The following DHX57 variants were observed in gnomAD, a reference collection of about 807,000 sequenced individuals.
The protein encoded by DHX57 is putative ATP-dependent RNA helicase DHX57.
Under a neutral mutation model 156.2 loss-of-function variants are expected in DHX57, and 105 were observed. That is an observed-to-expected ratio of 0.67 (90% confidence interval 0.57 to 0.79). The LOEUF (loss-of-function observed/expected upper bound fraction) is 0.79. Ranked by LOEUF, DHX57 falls within the 30% of genes least tolerant of loss-of-function variation. The pLI, the probability that DHX57 is intolerant of heterozygous loss-of-function variation, is 0.00. For missense variants in DHX57, 1,847 were observed against 1,661.9 expected (o/e 1.11, Z -1.94); for synonymous variants, 704 against 595.6 (o/e 1.18, Z -2.65).
rs753339384 is a variant in DHX57 at position 38,806,543 on chromosome 2, A to G, written c.3816+16T>C. The G allele has an allele frequency of 1.9e-6, 3 of 1,612,090 alleles. No individual in the cohort carries two copies. Among genetic ancestry groups the G allele is most frequent in the Non-Finnish European group, 2.5e-6 (3 of 1,179,284 alleles). On this transcript the variant is annotated intron_variant, in intron 22 of 23. Coordinates refer to ENST00000457308, the MANE Select transcript of DHX57 (RefSeq NM_198963.3). ...AGGACGACCTGTAAACATTAAGTAT[A>G]CTCCACCATTCTGACCTGATAGTTC...
At chr2:38,813,924 A>G in intron 20 of DHX57, 29 bp from the exon 21 acceptor site, 4 of 1,608,028 alleles carry the variant, frequency 2.5e-6, no homozygotes, top group Non-Finnish European at 3.4e-6. Flanking sequence ...ATTAATTAAC[A>G]AGTGATATGG....
intron 7 of DHX57, among the ~76,000 whole-genome samples, chr2:38,855,674 A>C (rs1285870755): frequency 6.6e-6 from 1 of 152,222 alleles, no homozygotes; most frequent in Non-Finnish European, 1.5e-5. Context: ...CATATCACTG[A>C]GTCTGGACAC....
At chr2:38,844,287 G>T (rs1005533402) in intron 11 of DHX57, among the ~76,000 whole-genome samples, 1 of 152,128 alleles carries the variant, frequency 6.6e-6, no homozygotes, top group Non-Finnish European at 1.5e-5. Flanking sequence ...CTGTAAGACA[G>T]AAATAAATGT....
chr2:38,799,040 C>T (rs907205366), intron 23 of DHX57, among the ~76,000 whole-genome samples: 1 of 151,698 alleles, frequency 6.6e-6, no homozygotes, highest in African/African-American at 2.4e-5. Context: ...ATTTATTCCA[C>T]GAGGAGAAGC....
chr2:38,849,089 G>A (rs1306682036), intron 9 of DHX57, among the ~76,000 whole-genome samples: 2 of 152,132 alleles, frequency 1.3e-5, no homozygotes, highest in African/African-American at 4.8e-5. Context: ...GTACCACAAA[G>A]AGGCACATAC....
chr2:38,813,680 A>T lies in DHX57; in HGVS notation c.3681+141T>A, dbSNP rs1004830798. 5.0e-5 allele frequency: 49 copies of T among 987,248 alleles called. No individual in the cohort carries two copies. The Middle Eastern group carries it at 1.1e-3, about 23-fold the overall frequency. The allele number at this position is 987,248 out of a possible 1,614,324, so 61.2% of individuals were successfully genotyped here. ...AGCCACCGCACCCGGCCGAAAATGT[A>T]TACTAAGTTTAAAAGGGTGTGCGTG... On this transcript the variant is annotated intron_variant, in intron 21 of 23. Transcript: ENST00000457308.
chr2:38,798,687 T>C (rs1669512076), intron 23 of DHX57, among the ~76,000 whole-genome samples: 1 of 152,240 alleles, frequency 6.6e-6, no homozygotes, highest in Admixed American at 6.5e-5. Flanking sequence ...GGCTCACGCC[T>C]GTAATCCCAG....
At chr2:38,872,786 A>C (rs548332771) in intron 1 of DHX57, among the ~76,000 whole-genome samples, 4 of 152,178 alleles carry the variant, frequency 2.6e-5, no homozygotes, top group Non-Finnish European at 5.9e-5. Flanking sequence ...ATAGTAGGAG[A>C]CTACAGTACC....
chr2:38,823,076 T>G lies in DHX57; in HGVS notation c.3208A>C (p.Lys1070Gln). Reference sequence around the variant, plus strand: ...AAGATAGACCCAAACAACATTAGTTTGCCAATTCTCACATCCACGGGCAGA... The same window carrying G: ...AAGATAGACCCAAACAACATTAGTTGGCCAATTCTCACATCCACGGGCAGA... ...ASLPVDVRIG[K>Q]LMLFGSIFRC... The change falls in exon 17 of 24, where the codon AAA becomes CAA. Residue 1070 changes from lysine (K) to glutamine (Q), a missense_variant. Physicochemically the swap from Lys to Gln is moderately conservative, Grantham distance 53. Transcript: ENST00000457308. 1 of 1,614,158 alleles carries G rather than the reference T, an allele frequency of 6.2e-7. No individual in the cohort carries two copies. Among genetic ancestry groups the G allele is most frequent in the Non-Finnish European group, 8.5e-7 (1 of 1,180,030 alleles).
intron 9 of DHX57, 102 bp from the exon 10 acceptor site, chr2:38,848,504 G>GA (rs951998563): frequency 0.042 from 38,755 of 914,918 alleles, no homozygotes; most frequent in South Asian, 0.053. Context: ...AGATCTCTGT[G>GA]AAAAAAAAAA....
intron 22 of DHX57, among the ~76,000 whole-genome samples, chr2:38,803,415 C>A (rs1669790672): frequency 6.6e-6 from 1 of 152,130 alleles, no homozygotes. Flanking sequence ...TCTACACTGT[C>A]ACTAAGTCTA....
chr2:38,854,333 G>C (rs1672767861), intron 8 of DHX57, 155 bp from the exon 9 acceptor site: 2 of 644,160 alleles, frequency 3.1e-6, no homozygotes, highest in Non-Finnish European at 4.8e-6. Context: ...TTTCTTGCCA[G>C]GGACAGTAAT....
In DHX57 at chr2:38,861,232, A is replaced by G. The variant is rs764330436; in HGVS notation, c.1178T>C (p.Leu393Pro). ...CGCAAATGTCAAGGCCTTGTCATAA[A>G]GAAACTCAGAAATATGTAAACGACA... ...LACRLHISEF[L>P]YDKALTFAET... The change falls in exon 5 of 24, where the codon CTT (leucine) becomes CCT (proline). Residue 393 changes from leucine (L) to proline (P), a missense_variant. Leu to Pro is a moderately conservative substitution (Grantham distance 98, BLOSUM62 -3). Transcript: ENST00000457308. The G allele has an allele frequency of 6.2e-7, 1 of 1,614,192 alleles. No individual in the cohort carries two copies. The highest frequency in any genetic ancestry group is 8.5e-7 in the Non-Finnish European group (1 of 1,180,038).
rs138378066 is a variant in DHX57, at chr2:38,848,285, G to A, written c.2148C>T (p.Pro716=). The A allele has an allele frequency of 1.3e-5, 20 of 1,597,220 alleles. No homozygotes were observed. The highest frequency in any genetic ancestry group is 9.2e-5 in the South Asian group (8 of 87,272). Residue 716 remains proline (P), a synonymous_variant, in exon 10 of 24, where the codon CCC becomes CCT. Coordinates refer to ENST00000457308, the MANE Select transcript of DHX57 (RefSeq NM_198963.3). Reference sequence around the variant, plus strand: ...TTTATTCACCTGGTATAGTAATAACGGGGCAGGAATTAAAATAGTCTGAAA... The same window carrying A: ...TTTATTCACCTGGTATAGTAATAACAGGGCAGGAATTAAAATAGTCTGAAA... ...ELFSDYFNSC[P]VITIPGRTFP... is the part of the protein sequence containing the mutation.
intron 2 of DHX57, among the ~76,000 whole-genome samples, chr2:38,866,442 C>T (rs745759470): frequency 2.0e-5 from 3 of 152,198 alleles, no homozygotes; most frequent in African/African-American, 4.8e-5. Context: ...CCTCTCTTCA[C>T]GTGATACCTT....
chr2:38,826,129 C>T, intron 15 of DHX57, 82 bp from the exon 16 acceptor site: 1 of 1,380,508 alleles, frequency 7.2e-7, no homozygotes, highest in Non-Finnish European at 9.9e-7. Context: ...AATAGATGAA[C>T]CAGCTTCCTC....
intron 21 of DHX57, 119 bp downstream of exon 21, chr2:38,813,702 C>A: frequency 1.7e-6 from 2 of 1,162,486 alleles, no homozygotes; most frequent in South Asian, 1.3e-5. Flanking sequence ...AAAGGGTGTG[C>A]GTGTGTGCAC....
chr2:38,854,010 C>T, intron 9 of DHX57, 44 bp downstream of exon 9: 1 of 1,531,330 alleles, frequency 6.5e-7, no homozygotes, highest in East Asian at 2.3e-5. Flanking sequence ...GCCATGCCTT[C>T]AATTCAGGTG....
chr2:38,833,894 T>C (rs1671513013), intron 13 of DHX57, among the ~76,000 whole-genome samples: 1 of 152,170 alleles, frequency 6.6e-6, no homozygotes, highest in African/African-American at 2.4e-5. Context: ...ATATAGATAC[T>C]AGCCTATTTT....
Sources: gnomAD v4.1 joint callset for allele counts (sites outside exome capture counted in the v4.1 genomes callset) on GRCh38, gnomAD v4.1.1 for gene constraint, MANE v1.5 for transcripts, NCBI Gene and HGNC (gene_info 2026-07-23, HGNC 2026-07-21) for gene names.